Variants in ROBO2 observed in about 807,000 individuals in gnomAD.
ROBO2 encodes the protein roundabout guidance receptor 2.
Under a neutral mutation model 160.8 loss-of-function variants are expected in ROBO2, and 53 were observed. The observed-to-expected ratio is 0.33, with a 90% CI of 0.26 to 0.41. ROBO2 has a LOEUF of 0.41. Ranked by LOEUF, ROBO2 falls within the 10% of genes least tolerant of loss-of-function variation. The pLI is 1.00. For missense variants in ROBO2, 1,577 were observed against 1,722.4 expected (o/e 0.92, Z 1.49); for synonymous variants, 664 against 611.7 (o/e 1.09, Z -1.26).
At chr3:76,900,852 C>T (rs2075168525) in intron 2 of ROBO2, among the ~76,000 whole-genome samples, 1 of 152,198 alleles carries the variant, frequency 6.6e-6, no homozygotes, top group Non-Finnish European at 1.5e-5. Flanking sequence ...TGGTGTTGAA[C>T]TGCTTCCTTT....
chr3:76,139,789 A>T (rs960725479), intron 2 of ROBO2, among the ~76,000 whole-genome samples: 7 of 152,088 alleles, frequency 4.6e-5, no homozygotes, highest in Non-Finnish European at 1.0e-4. Context: ...TCTCCTTTAC[A>T]TTTAACATGA....
At chr3:76,411,642 A>C (rs1005842719) in intron 2 of ROBO2, among the ~76,000 whole-genome samples, 1 of 152,152 alleles carries the variant, frequency 6.6e-6, no homozygotes, top group African/African-American at 2.4e-5. Flanking sequence ...CTCTCCCTCC[A>C]ACATTTAAGT....
chr3:75,976,871 C>T (rs545414434), intron 2 of ROBO2, among the ~76,000 whole-genome samples: 23 of 151,586 alleles, frequency 1.5e-4, no homozygotes, highest in African/African-American at 4.8e-4. Context: ...AGGGTTACTC[C>T]ATACCATAGA....
chr3:76,539,921 T>G (rs2082724891), intron 2 of ROBO2, among the ~76,000 whole-genome samples: 2 of 152,172 alleles, frequency 1.3e-5, no homozygotes, highest in South Asian at 2.1e-4. Flanking sequence ...TTATGAAAAA[T>G]TAAATATACC....
intron 2 of ROBO2, among the ~76,000 whole-genome samples, chr3:76,889,105 G>A (rs1285595282): frequency 6.6e-6 from 1 of 152,126 alleles, no homozygotes; most frequent in Non-Finnish European, 1.5e-5. Context: ...TCATAGCTGT[G>A]CTGCCAGGTC....
rs574224465 is a variant in ROBO2, at chr3:76,004,027, A to G, written c.109+66425A>G. Among the ~76,000 whole-genome samples, 8 of 152,308 alleles carry G rather than the reference A, an allele frequency of 5.3e-5. No homozygotes were observed. In the East Asian group the frequency reaches 1.5e-3, roughly 29 times the overall value. On this transcript the variant is annotated intron_variant, in intron 2 of 26. Coordinates refer to the ROBO2 transcript ENST00000487694. ...TTAAATTTAAATATAAATCTATCAT[A>G]TGACTCAACTATCAATTCCTGGATG...
chr3:77,333,000 A>G (rs1391804082), intron 2 of ROBO2, among the ~76,000 whole-genome samples: 1 of 152,130 alleles, frequency 6.6e-6, no homozygotes, highest in African/African-American at 2.4e-5. Flanking sequence ...TTCTGGAACC[A>G]TTTCCAGTTG....
intron 2 of ROBO2, among the ~76,000 whole-genome samples, chr3:76,681,674 A>G (rs1317749322): frequency 6.6e-6 from 1 of 152,214 alleles, no homozygotes; most frequent in Non-Finnish European, 1.5e-5. Flanking sequence ...CCTGGAGCAG[A>G]CAAGAGAGTA....
chr3:76,085,593 G>C (rs1474928531), intron 2 of ROBO2, among the ~76,000 whole-genome samples: 2 of 152,090 alleles, frequency 1.3e-5, no homozygotes, highest in Non-Finnish European at 2.9e-5. Flanking sequence ...AAAACTAACA[G>C]TTCTTTTTAG....
chr3:77,044,398 T>G (rs1457671074), intron 1 of ROBO2, among the ~76,000 whole-genome samples: 1 of 152,200 alleles, frequency 6.6e-6, no homozygotes. Context: ...TTACTTCCCA[T>G]GTGCAATTTG....
chr3:77,237,421 G>GTGTGTGTGTGTA (rs2088220020), intron 2 of ROBO2, among the ~76,000 whole-genome samples: 1 of 148,086 alleles, frequency 6.8e-6, no homozygotes, highest in Non-Finnish European at 1.5e-5. Context: ...TTGTGTGTGT[G>GTGTGTGTGTGTA]TGTGTGTGTG....
chr3:76,456,094 G>A (rs1390517062), intron 2 of ROBO2, among the ~76,000 whole-genome samples: 2 of 152,140 alleles, frequency 1.3e-5, no homozygotes, highest in African/African-American at 4.8e-5. Flanking sequence ...AGTTATCAAT[G>A]CCTTCTTTGA....
intron 2 of ROBO2, among the ~76,000 whole-genome samples, chr3:77,436,285 T>A (rs1339741712): frequency 2.0e-5 from 3 of 151,590 alleles, no homozygotes; most frequent in Non-Finnish European, 4.4e-5. Flanking sequence ...CCCTGTCGAA[T>A]AAAATTTAAT....
intron 2 of ROBO2, among the ~76,000 whole-genome samples, chr3:76,039,354 G>T (rs2067212087): frequency 6.6e-6 from 1 of 151,952 alleles, no homozygotes; most frequent in Non-Finnish European, 1.5e-5. Flanking sequence ...AGCATCAGGA[G>T]TTCATTTGAC....
At chr3:76,994,314 T>C (rs972516244) in intron 2 of ROBO2, among the ~76,000 whole-genome samples, 3 of 152,172 alleles carry the variant, frequency 2.0e-5, no homozygotes, top group Non-Finnish European at 4.4e-5. Context: ...TGTACTGGCT[T>C]GTGAACTTGA....
At chr3:76,297,314 A>T (rs1709124028) in intron 2 of ROBO2, among the ~76,000 whole-genome samples, 1 of 152,246 alleles carries the variant, frequency 6.6e-6, no homozygotes, top group African/African-American at 2.4e-5. Context: ...ACCTACTTGG[A>T]GAAGCTGCCA....
At chr3:76,945,250 G>A (rs1016841916) in intron 2 of ROBO2, among the ~76,000 whole-genome samples, 3 of 152,044 alleles carry the variant, frequency 2.0e-5, no homozygotes, top group South Asian at 2.1e-4. Flanking sequence ...AGTATTTTGC[G>A]CATAATAAGC....
chr3:76,575,844 T>G (rs970623261), intron 2 of ROBO2, among the ~76,000 whole-genome samples: 1 of 152,058 alleles, frequency 6.6e-6, no homozygotes, highest in African/African-American at 2.4e-5. Flanking sequence ...TTAGTTGAGT[T>G]TTTAGATTTG....
rs181813969 is a variant in ROBO2, at chr3:76,597,107, A to G, written c.110-500907A>G. Among the ~76,000 whole-genome samples, 289 of 152,280 alleles carry G rather than the reference A, an allele frequency of 1.9e-3. 1 individual carries two copies. Among genetic ancestry groups the G allele is most frequent in the African/African-American group, 6.6e-3 (276 of 41,568 alleles). ...ACATAAACCTCTATCTTTTATAAACAGTGAGTCAAATGTCAAATGGGTAAG... is the reference window on the plus strand; with the variant it reads ...ACATAAACCTCTATCTTTTATAAACGGTGAGTCAAATGTCAAATGGGTAAG... On this transcript the variant is annotated intron_variant, in intron 2 of 26. Coordinates refer to the ROBO2 transcript ENST00000487694.
Sources: allele counts gnomAD v4.1 joint callset (sites outside exome capture counted in the v4.1 genomes callset), GRCh38; gene constraint gnomAD v4.1.1; transcripts MANE v1.5; gene names NCBI Gene and HGNC (gene_info 2026-07-23, HGNC 2026-07-21).